Variants in CEP85L observed in about 807,000 individuals in gnomAD.
CEP85L encodes the protein centrosomal protein of 85 kDa-like.
CEP85L carries 60 observed loss-of-function variants against 100.3 expected under a neutral mutation model. The ratio of observed to expected loss-of-function variants is 0.60; its 90% CI spans 0.49 to 0.74. CEP85L has a LOEUF of 0.74. Among genes scored for constraint, CEP85L ranks in the 30% least tolerant of loss-of-function variants. CEP85L has a pLI of 0.00. For synonymous variants in CEP85L, 319 were observed against 322.7 expected (o/e 0.99, Z 0.12); for missense variants, 973 against 936.2 (o/e 1.04, Z -0.51).
At chr6:118,539,161 C>T (rs1777766792) in intron 3 of CEP85L, among the ~76,000 whole-genome samples, 1 of 152,138 alleles carries the variant, frequency 6.6e-6, no homozygotes, top group African/African-American at 2.4e-5. Flanking sequence ...AAGTCTTTAT[C>T]ATATTTTACT....
At chr6:118,661,460 T>C (rs1775971063) in intron 1 of CEP85L, among the ~76,000 whole-genome samples, 1 of 152,128 alleles carries the variant, frequency 6.6e-6, no homozygotes, top group African/African-American at 2.4e-5. Context: ...TTCTTTTTCT[T>C]TTAAAATTAC....
Position 118,465,547 on chromosome 6 carries a change from T to C in CEP85L, c.2276A>G (p.Glu759Gly). The C allele has an allele frequency of 6.8e-6, 11 of 1,613,300 alleles. No individual in the cohort carries two copies. The highest frequency in any genetic ancestry group is 8.5e-6 in the Non-Finnish European group (10 of 1,179,528). Reference sequence around the variant, plus strand: ...TTCTGTGCTGTGGTCATTCTCAGTCTCTTCAGCTGAACAGTTCATTGCTGT... The same window carrying C: ...TTCTGTGCTGTGGTCATTCTCAGTCCCTTCAGCTGAACAGTTCATTGCTGT... ...GIRSMNCSAE[E>G]TENDHSTETL... The change falls in exon 13 of 13, where the codon GAG becomes GGG. Residue 759 changes from glutamate to glycine, a missense_variant. By Grantham distance (98) the Glu-to-Gly change is moderately conservative (BLOSUM62 -2). Transcript: ENST00000368491.
intron 1 of CEP85L, among the ~76,000 whole-genome samples, chr6:118,646,367 C>T (rs1298927448): frequency 1.3e-5 from 2 of 151,824 alleles, no homozygotes; most frequent in Non-Finnish European, 2.9e-5. Context: ...TAATGAATAA[C>T]ATGTTATTGC....
At chr6:118,560,944 G>C (rs1242007376) in intron 3 of CEP85L, among the ~76,000 whole-genome samples, 1 of 152,168 alleles carries the variant, frequency 6.6e-6, no homozygotes. Context: ...ATTATTAAAA[G>C]AGTAGAGGAT....
chr6:118,563,818 A>G (rs1439683840), intron 3 of CEP85L, among the ~76,000 whole-genome samples: 3 of 152,162 alleles, frequency 2.0e-5, no homozygotes, highest in Admixed American at 2.0e-4. Context: ...TAAAGATAAT[A>G]CTACTTGGAG....
rs369571316 is a variant in CEP85L, at chr6:118,648,521, C to A, written c.73+2676G>T. ...CTTTGGGAGGCCGAGGCAGGAGGAT[C>A]ACGAGGTCAGGAGATCGAGACCACC... On this transcript the variant is annotated intron_variant, in intron 1 of 12. Transcript: ENST00000368491. Among the ~76,000 whole-genome samples the A allele has an allele frequency of 2.0e-5, 3 of 151,992 alleles. No individual in the cohort carries two copies. The East Asian group carries it at 5.8e-4, about 29-fold the overall frequency.
chr6:118,577,585 T>G (rs1388150304), intron 2 of CEP85L, among the ~76,000 whole-genome samples: 3 of 152,166 alleles, frequency 2.0e-5, no homozygotes, highest in African/African-American at 7.2e-5. Flanking sequence ...CAACAGCAGT[T>G]TGTCAGTTAT....
At chr6:118,547,245 T>C (rs942740105) in intron 3 of CEP85L, among the ~76,000 whole-genome samples, 4 of 152,124 alleles carry the variant, frequency 2.6e-5, no homozygotes, top group African/African-American at 7.2e-5. Context: ...AGGAGAATGA[T>C]GCCCGGCTTT....
chr6:118,542,991 T>C (rs1777996912), intron 3 of CEP85L, among the ~76,000 whole-genome samples: 1 of 151,226 alleles, frequency 6.6e-6, no homozygotes, highest in Non-Finnish European at 1.5e-5. Flanking sequence ...AAGAAGTCTG[T>C]TTTAACCTTA....
chr6:118,514,908 C>T (rs1776182349), intron 4 of CEP85L, among the ~76,000 whole-genome samples: 1 of 151,910 alleles, frequency 6.6e-6, no homozygotes, highest in African/African-American at 2.4e-5. Context: ...GGGCTCAAGC[C>T]ATCTTCCTGT....
At chr6:118,687,891 C>T (rs57300720) in intron 1 of CEP85L, among the ~76,000 whole-genome samples, 7,606 of 152,246 alleles carry the variant, frequency 0.05, 380 homozygotes, top group African/African-American at 0.12. Context: ...TGTTCCTGCA[C>T]GGCTGAGTGC....
chr6:118,529,720 T>C (rs929037589), intron 3 of CEP85L, among the ~76,000 whole-genome samples: 2 of 151,972 alleles, frequency 1.3e-5, no homozygotes, highest in Admixed American at 1.3e-4. Context: ...CCTCTGACTA[T>C]GATGCCATAG....
intron 5 of CEP85L, chr6:118,501,822 GA>G: frequency 4.7e-6 from 6 of 1,284,620 alleles, no homozygotes; most frequent in Non-Finnish European, 6.7e-6. Context: ...GAGAGAGAGA[GA>G]GAGAGAGAGG....
intron 12 of CEP85L, among the ~76,000 whole-genome samples, chr6:118,466,002 C>T (rs1772489326): frequency 6.6e-6 from 1 of 151,824 alleles, no homozygotes; most frequent in African/African-American, 2.4e-5. Flanking sequence ...TTTTCAAATA[C>T]ATAGTAAGTG....
At chr6:118,576,138 T>G (rs1780218815) in intron 2 of CEP85L, among the ~76,000 whole-genome samples, 1 of 152,268 alleles carries the variant, frequency 6.6e-6, no homozygotes, top group East Asian at 1.9e-4. Context: ...CCTAACCAAA[T>G]TAATTCTGGA....
At position 118,469,282 on chromosome 6, in the gene CEP85L, T is replaced by C; in HGVS notation, c.2044A>G (p.Thr682Ala). Residue 682 changes from threonine (T) to alanine (A), a missense_variant, in exon 12 of 13, where the codon ACA becomes GCA. Thr to Ala is a moderately conservative substitution (Grantham distance 58, BLOSUM62 0). This residue lies in a region of CEP85L where 890 missense variants were observed against 844.5 expected (regional missense o/e 1.05). Transcript: ENST00000368491. The stretch of plus-strand genomic sequence containing the variant: ...TGGCCCTGATCCAATAAAGAGCATG[T>C]CTCATCTGTTTGTCTTTGGTTCTGC... ...LLENQRQTDE[T>A]CSLLDQGQEP... The C allele has an allele frequency of 6.2e-7, 1 of 1,613,818 alleles. No homozygotes were observed. Among genetic ancestry groups the C allele is most frequent in the Non-Finnish European group, 8.5e-7 (1 of 1,179,730 alleles).
chr6:118,461,732 G>C lies in CEP85L; in HGVS notation c.*3673C>G, dbSNP rs572331325. 9.9e-5 allele frequency: 15 copies of C among 152,064 alleles called. No homozygotes were observed. The South Asian group carries it at 2.9e-3, about 29-fold the overall frequency. The allele number at this position is 152,064 out of a possible 1,614,324, so 9.4% of individuals were successfully genotyped here. Reference sequence around the variant, plus strand: ...GAAATTTTGCTCTTTATACCAAATAGGAAATTGTTCCTGTTGTTTTGTGAA... The same window carrying C: ...GAAATTTTGCTCTTTATACCAAATACGAAATTGTTCCTGTTGTTTTGTGAA... On this transcript the variant is annotated 3_prime_UTR_variant, in exon 13 of 13. Transcript: ENST00000368491.
In CEP85L at chr6:118,572,272, T is replaced by TAAAAA. The variant is rs572307069; in HGVS notation, c.233-5961_233-5957dup. 1.9e-5 allele frequency among the ~76,000 whole-genome samples: 2 copies of TAAAAA among 107,644 alleles called. 1 individual carries two copies. The highest frequency in any genetic ancestry group is 7.3e-5 in the African/African-American group (2 of 27,254). The allele number at this position is 107,644 out of a possible 152,430, so 70.6% of individuals were successfully genotyped here. Reference sequence around the variant, plus strand: ...GTTATGCCACATGTAACCCATTCTTTAAAAAAAAAAAAAAAAAAAAAAGGT... The same window carrying TAAAAA: ...GTTATGCCACATGTAACCCATTCTTTAAAAAAAAAAAAAAAAAAAAAAAAAAAGGT... On this transcript the variant is annotated intron_variant, in intron 2 of 12. Coordinates refer to ENST00000368491, the MANE Select transcript of CEP85L (RefSeq NM_001042475.3).
Position 118,491,799 on chromosome 6 carries a change from C to G in CEP85L, c.1324G>C (p.Gly442Arg). Residue 442 changes from glycine (G) to arginine (R), a missense_variant, in exon 6 of 13, where the codon GGG (glycine) becomes CGG (arginine). By Grantham distance (125) the Gly-to-Arg change is moderately radical (BLOSUM62 -2). Transcript: ENST00000368491. The part of the protein sequence containing the change: ...SEESVSHSQQ[G>R]EFEQKLASTE... ...GATGCAAGCTTTTGCTCAAATTCCC[C>G]TTGTTGGGAATGGGAAACTGATTCC... 1.9e-6 allele frequency: 3 copies of G among 1,612,588 alleles called. No individual in the cohort carries two copies. The highest frequency in any genetic ancestry group is 2.5e-6 in the Non-Finnish European group (3 of 1,179,284).
Sources: gnomAD v4.1 joint callset for allele counts (sites outside exome capture counted in the v4.1 genomes callset) on GRCh38, gnomAD v4.1.1 for gene constraint, gnomAD v4.1.1 regional missense constraint, MANE v1.5 for transcripts, NCBI Gene and HGNC (gene_info 2026-07-23, HGNC 2026-07-21) for gene names.